The following DMXL1 variants were observed in gnomAD, a reference collection of about 807,000 sequenced individuals.
DMXL1 encodes dmX-like protein 1.
A neutral mutation model predicts 319.2 loss-of-function variants in DMXL1; 99 were observed. The observed-to-expected ratio is 0.31, with a 90% CI of 0.26 to 0.37. The LOEUF is 0.37. DMXL1 is among the 10% of genes least tolerant of loss of function. The pLI, the probability that DMXL1 is intolerant of heterozygous loss-of-function variation, is 1.00. For missense variants in DMXL1, 3,745 were observed against 3,595.6 expected (o/e 1.04, Z -1.06); for synonymous variants, 1,385 against 1,235.2 (o/e 1.12, Z -2.54).
chr5:119,236,513 T>G (rs1787783545), intron 39 of DMXL1: 1 of 151,992 alleles, frequency 6.6e-6, no homozygotes, highest in African/African-American at 2.4e-5. Context: ...TGATCTAAAT[T>G]TATGTGTAAT....
At chr5:119,231,852 G>C (rs551234511) in intron 38 of DMXL1, among the ~76,000 whole-genome samples, 11 of 152,324 alleles carry the variant, frequency 7.2e-5, no homozygotes, top group Non-Finnish European at 1.2e-4. Context: ...GGTGGTTTCT[G>C]ATTGATTAAG....
In DMXL1 at chr5:119,197,801, T is replaced by C. The variant is rs745307775; in HGVS notation, c.7590T>C (p.Leu2530=). The part of the protein sequence containing the change: ...SPLCHAVLKT[L]QCWEQVLLRR... ...TTTGTCATGCGGTTCTAAAAACTCTTCAATGTTGGGAACAAGTTCTTCTCC... is the reference window on the plus strand; with the variant it reads ...TTTGTCATGCGGTTCTAAAAACTCTCCAATGTTGGGAACAAGTTCTTCTCC... Residue 2530 remains leucine, a synonymous_variant, in exon 32 of 44, where the codon CTT becomes CTC. Transcript: ENST00000539542. 84 of 1,614,058 alleles carry C rather than the reference T, an allele frequency of 5.2e-5. No individual in the cohort carries two copies. The highest frequency in any genetic ancestry group is 3.3e-4 in the Middle Eastern group (2 of 6,084).
chr5:119,171,847 A>G lies in DMXL1; in HGVS notation c.6559A>G (p.Thr2187Ala), dbSNP rs78916468. The change falls in exon 25 of 44, where the codon ACA becomes GCA. Residue 2187 changes from threonine to alanine, a missense_variant. Physicochemically the swap from Thr to Ala is moderately conservative, Grantham distance 58 (BLOSUM62 0). Coordinates refer to ENST00000539542, the MANE Select transcript of DMXL1 (RefSeq NM_001290321.3). ...CTCAGTGCCTCTCCTCTTTGCTTGT[A>G]CAGCCAATGCCAAAACAGTAGTTGC... The part of the protein sequence containing the change: ...QTSVPLLFAC[T>A]ANAKTVVANP... 3 of 1,613,786 alleles carry G rather than the reference A, an allele frequency of 1.9e-6. No homozygotes were observed. Among genetic ancestry groups the G allele is most frequent in the Non-Finnish European group, 2.5e-6 (3 of 1,179,880 alleles).
At chr5:119,156,340 C>T (rs75297724) in intron 19 of DMXL1, among the ~76,000 whole-genome samples, 4,102 of 152,300 alleles carry the variant, frequency 0.027, 173 homozygotes, top group African/African-American at 0.093. Flanking sequence ...TAATAGACCA[C>T]AGTATGATGT....
At chr5:119,235,693 AAGGT>A (rs1787619415) in intron 39 of DMXL1, among the ~76,000 whole-genome samples, 1 of 152,130 alleles carries the variant, frequency 6.6e-6, no homozygotes, top group Admixed American at 6.6e-5. Context: ...AGAATCCTAT[AAGGT>A]TCTAAAAAGG....
intron 41 of DMXL1, 72 bp from the exon 42 acceptor site, chr5:119,240,347 C>A: frequency 2.8e-6 from 3 of 1,060,948 alleles, no homozygotes; most frequent in Non-Finnish European, 4.2e-6. Flanking sequence ...AAAGGTCACA[C>A]AGTTATATAT....
intron 13 of DMXL1, among the ~76,000 whole-genome samples, chr5:119,134,946 TC>T (rs1279798057): frequency 1.3e-5 from 2 of 152,232 alleles, no homozygotes; most frequent in Non-Finnish European, 1.5e-5. Context: ...TCTTTTGGTA[TC>T]CCCAGAGGCA....
intron 1 of DMXL1, among the ~76,000 whole-genome samples, chr5:119,097,583 G>C (rs1164585749): frequency 2.0e-5 from 3 of 152,184 alleles, no homozygotes; most frequent in South Asian, 2.1e-4. Context: ...CGGGCGTGGT[G>C]GTGGGCACCT....
intron 17 of DMXL1, 86 bp from the exon 18 acceptor site, chr5:119,148,653 A>C: frequency 7.4e-7 from 1 of 1,349,864 alleles, no homozygotes; most frequent in South Asian, 1.4e-5. Context: ...ATAGTAGTTA[A>C]TACAAAAGAC....
Position 119,178,140 on chromosome 5 carries a change from T to A in DMXL1, c.7031T>A (p.Phe2344Tyr), listed in dbSNP as rs751812557. Reference protein sequence around the residue: ...GLATHSSNELFRIVAHPLNEK... With the variant: ...GLATHSSNELYRIVAHPLNEK... Reference sequence around the variant, plus strand: ...GCCACACATTCAAGTAATGAGCTATTTCGGATTGTGGCCCATCCTCTAAAT... The same window carrying A: ...GCCACACATTCAAGTAATGAGCTATATCGGATTGTGGCCCATCCTCTAAAT... Residue 2344 changes from phenylalanine to tyrosine, a missense_variant, in exon 28 of 44, where the codon TTT (phenylalanine) becomes TAT (tyrosine). By Grantham distance (22) the Phe-to-Tyr change is conservative. Coordinates refer to ENST00000539542, the MANE Select transcript of DMXL1 (RefSeq NM_001290321.3). 10 of 1,614,004 alleles carry A rather than the reference T, an allele frequency of 6.2e-6. No homozygotes were observed. In the East Asian group the frequency reaches 2.0e-4, roughly 32 times the overall value.
chr5:119,156,803 G>T (rs1298704176), intron 19 of DMXL1, among the ~76,000 whole-genome samples: 14 of 151,648 alleles, frequency 9.2e-5, no homozygotes, highest in Non-Finnish European at 1.3e-4. Flanking sequence ...AGTGTACCAG[G>T]CTCCCCTTTT....
intron 19 of DMXL1, among the ~76,000 whole-genome samples, chr5:119,155,897 G>A (rs909579796): frequency 1.3e-5 from 2 of 151,936 alleles, no homozygotes; most frequent in African/African-American, 4.8e-5. Flanking sequence ...AATGAATGTG[G>A]TTTCTTAAGG....
chr5:119,107,343 A>G (rs1307724648), intron 4 of DMXL1, among the ~76,000 whole-genome samples: 1 of 147,864 alleles, frequency 6.8e-6, no homozygotes, highest in Non-Finnish European at 1.5e-5. Flanking sequence ...CTTGTCTCAG[A>G]AAAAAAAAAA....
At chr5:119,198,271 G>C (rs1414699605) in intron 32 of DMXL1, among the ~76,000 whole-genome samples, 1 of 152,202 alleles carries the variant, frequency 6.6e-6, no homozygotes, top group Non-Finnish European at 1.5e-5. Context: ...TTACAGGCGT[G>C]AGCCACCGCA....
At chr5:119,232,099 G>A (rs886152166) in intron 38 of DMXL1, among the ~76,000 whole-genome samples, 1 of 152,056 alleles carries the variant, frequency 6.6e-6, no homozygotes, top group Admixed American at 6.6e-5. Context: ...TTCTGCCTCA[G>A]TCTCCTGAGT....
intron 25 of DMXL1, among the ~76,000 whole-genome samples, chr5:119,174,335 TG>T: frequency 6.8e-6 from 1 of 146,552 alleles, no homozygotes; most frequent in East Asian, 2.1e-4. Context: ...ACTTCACTTC[TG>T]TTGGGTCCTC....
chr5:119,088,227 T>C (rs112518870), intron 1 of DMXL1, among the ~76,000 whole-genome samples: 4,520 of 152,312 alleles, frequency 0.03, 211 homozygotes, highest in African/African-American at 0.1. Context: ...TAGTCTGTCT[T>C]TGATTTGTAG....
Position 119,082,263 on chromosome 5 carries a change from C to T in DMXL1, c.87+10607C>T, listed in dbSNP as rs567646538. Among the ~76,000 whole-genome samples, 38 of 152,030 alleles carry T rather than the reference C, an allele frequency of 2.5e-4. 1 individual carries two copies. The highest frequency in any genetic ancestry group is 3.4e-3 in the Middle Eastern group (1 of 294). The stretch of plus-strand genomic sequence containing the variant: ...AGTAGCTGGGACTACAGACATGTGC[C>T]ACCATGCCTGGCTTATTTTATTTTT... On this transcript the variant is annotated intron_variant, in intron 1 of 43. Transcript: ENST00000539542.
intron 20 of DMXL1, 82 bp from the exon 21 acceptor site, chr5:119,165,101 T>C: frequency 2.6e-6 from 2 of 782,274 alleles, no homozygotes; most frequent in Non-Finnish European, 4.3e-6. Context: ...ATTCAATGGA[T>C]ATGTGCCAGC....
Sources: gnomAD v4.1 joint callset for allele counts (sites outside exome capture counted in the v4.1 genomes callset) on GRCh38, gnomAD v4.1.1 for gene constraint, MANE v1.5 for transcripts, NCBI Gene and HGNC (gene_info 2026-07-23, HGNC 2026-07-21) for gene names.